PRRG4: variants seen among roughly 807,000 people sequenced by gnomAD.
PRRG4 encodes the protein transmembrane gamma-carboxyglutamic acid protein 4.
PRRG4 carries 12 observed loss-of-function variants against 20.0 expected under a neutral mutation model. That is an observed-to-expected ratio of 0.60 (90% CI 0.38 to 0.97). The LOEUF (loss-of-function observed/expected upper bound fraction) is 0.97, where lower values mean the gene tolerates loss of function less well. Ranked by LOEUF, PRRG4 falls within the 50% of genes least tolerant of loss-of-function variation. PRRG4 has a pLI of 0.00. For missense variants in PRRG4, 199 were observed against 265.1 expected (o/e 0.75, Z 1.73); for synonymous variants, 94 against 96.4 (o/e 0.98, Z 0.15).
intron 4 of PRRG4, among the ~76,000 whole-genome samples, chr11:32,839,738 TA>T (rs1303443861): frequency 8.3e-6 from 1 of 120,842 alleles, no homozygotes; most frequent in African/African-American, 2.9e-5. Context: ...TGAATATTAT[TA>T]AAATATAGAT....
rs1055404013 is a variant in PRRG4 at position 32,855,263 on chromosome 11, T to G, written c.*1736T>G. ...ATATAAGCTATAAATTTCTGGAGTA[T>G]ATGCACACAAATTTATCTGGGTGGG... On this transcript the variant is annotated 3_prime_UTR_variant, in exon 6 of 6. Coordinates refer to ENST00000257836, the MANE Select transcript of PRRG4 (RefSeq NM_024081.6). 1.3e-5 allele frequency: 2 copies of G among 152,202 alleles called. No homozygotes were observed. The highest frequency in any genetic ancestry group is 4.8e-5 in the African/African-American group (2 of 41,454). 9.4% of individuals were successfully genotyped at this position (152,202 alleles called of 1,614,324 possible). A position where few individuals can be genotyped will look rare whatever the true frequency, so the allele number is the denominator to read the frequency against.
intron 1 of PRRG4, 144 bp downstream of exon 1, chr11:32,830,317 A>G: frequency 1.2e-6 from 1 of 845,030 alleles, no homozygotes; most frequent in African/African-American, 1.8e-5. Context: ...GTCACTGGGC[A>G]CGGCGTTTGT....
At chr11:32,845,625 CAAA>C (rs749171678) in intron 5 of PRRG4, among the ~76,000 whole-genome samples, 3 of 113,620 alleles carry the variant, frequency 2.6e-5, no homozygotes, top group Non-Finnish European at 3.7e-5. Context: ...GACTCCGTTT[CAAA>C]AAAAAAAAAA....
intron 5 of PRRG4, among the ~76,000 whole-genome samples, chr11:32,841,684 G>A (rs1397242080): frequency 1.3e-5 from 2 of 151,960 alleles, no homozygotes; most frequent in African/African-American, 4.8e-5. Flanking sequence ...GTGGCCTGAG[G>A]CTGTAGTCTC....
At chr11:32,850,977 G>A (rs1247976003) in intron 5 of PRRG4, among the ~76,000 whole-genome samples, 1 of 152,204 alleles carries the variant, frequency 6.6e-6, no homozygotes, top group Admixed American at 6.5e-5. Context: ...GGAGGCTGAG[G>A]CAAGAGAATC....
chr11:32,848,410 G>GA (rs1654795229), intron 5 of PRRG4, among the ~76,000 whole-genome samples: 1 of 152,092 alleles, frequency 6.6e-6, no homozygotes, highest in Admixed American at 6.6e-5. Flanking sequence ...ATAGCAAGGG[G>GA]AATGGGGAGT....
intron 5 of PRRG4, among the ~76,000 whole-genome samples, chr11:32,847,148 A>AT (rs1293541825): frequency 8.6e-5 from 13 of 151,942 alleles, no homozygotes; most frequent in African/African-American, 2.7e-4. Flanking sequence ...TTATTTATTT[A>AT]TTTTTTTTGA....
intron 2 of PRRG4, among the ~76,000 whole-genome samples, chr11:32,832,550 G>A (rs1480633155): frequency 2.1e-5 from 3 of 142,062 alleles, no homozygotes; most frequent in African/African-American, 5.3e-5. Context: ...GCGTGATCAC[G>A]GCTCACTGCA....
At chr11:32,841,643 TA>T (rs145866061) in intron 5 of PRRG4, among the ~76,000 whole-genome samples, 49 of 151,188 alleles carry the variant, frequency 3.2e-4, no homozygotes, top group African/African-American at 1.2e-3. Flanking sequence ...CCTATCTCTA[TA>T]AAAAAAAATT....
At chr11:32,830,409 A>G (rs1306621158) in intron 1 of PRRG4, 99 bp from the exon 2 acceptor site, 1 of 1,032,740 alleles carries the variant, frequency 9.7e-7, no homozygotes, top group East Asian at 3.2e-5. Context: ...TCTTGCGCCT[A>G]GGCTTTGAGT....
chr11:32,839,041 A>C, intron 4 of PRRG4, 111 bp downstream of exon 4: 1 of 717,662 alleles, frequency 1.4e-6, no homozygotes, highest in Non-Finnish European at 2.4e-6. Context: ...TACCTTATAA[A>C]TCCAAGGAGA....
At chr11:32,838,782 C>T in intron 3 of PRRG4, 100 bp from the exon 4 acceptor site, 2 of 795,480 alleles carry the variant, frequency 2.5e-6, no homozygotes, top group South Asian at 3.0e-5. Context: ...ACCTATGGTG[C>T]ATGCCAAGAG....
At chr11:32,852,488 TCTGGAATTGCGCCACCTTTCAACAAAGC>T (rs1242742697) in intron 5 of PRRG4, among the ~76,000 whole-genome samples, 1 of 152,206 alleles carries the variant, frequency 6.6e-6, no homozygotes, top group Non-Finnish European at 1.5e-5. Context: ...ATTTCCTTGG[TCTGGAATTGCGCCACCTTTCAACAAAGC>T]CTGAATTTGG....
At position 32,854,979 on chromosome 11, in the gene PRRG4, G is replaced by A. The variant is rs975138679; in HGVS notation, c.*1452G>A. ...CTGATTAGTAAATACTCCCATCTTC[G>A]TTGCAAAATTATCTCTCTGTATAAC... On this transcript the variant is annotated 3_prime_UTR_variant, in exon 6 of 6. Transcript: ENST00000257836. 4 of 152,102 alleles carry A rather than the reference G, an allele frequency of 2.6e-5. No individual in the cohort carries two copies. The highest frequency in any genetic ancestry group is 6.6e-5 in the Admixed American group (1 of 15,264). 9.4% of individuals were successfully genotyped at this position (152,102 alleles called of 1,614,324 possible).
intron 5 of PRRG4, among the ~76,000 whole-genome samples, chr11:32,852,939 ATTTTTT>A (rs34615143): frequency 3.0e-5 from 3 of 99,122 alleles, no homozygotes; most frequent in African/African-American, 1.2e-4. Context: ...TGCCCGGCTA[ATTTTTT>A]TTTTTTTTTT....
intron 5 of PRRG4, among the ~76,000 whole-genome samples, chr11:32,850,640 A>G (rs183756554): frequency 2.6e-5 from 4 of 152,340 alleles, no homozygotes; most frequent in Admixed American, 6.5e-5. Flanking sequence ...CTATTGTCCC[A>G]AGAAATTCTT....
chr11:32,842,725 CATTA>C (rs1177891051), intron 5 of PRRG4, among the ~76,000 whole-genome samples: 2 of 151,814 alleles, frequency 1.3e-5, no homozygotes, highest in African/African-American at 2.4e-5. Context: ...TGTCTCAAAA[CATTA>C]ATTAATTAAT....
At chr11:32,844,440 G>A (rs1242806268) in intron 5 of PRRG4, among the ~76,000 whole-genome samples, 1 of 151,434 alleles carries the variant, frequency 6.6e-6, no homozygotes, top group Non-Finnish European at 1.5e-5. Context: ...TTGGTAGCAA[G>A]AGTAGCAAGT....
Position 32,840,045 on chromosome 11 carries a change from T to C in PRRG4, c.317-62T>C. On this transcript the variant is annotated intron_variant, in intron 4 of 5. Transcript: ENST00000257836. The surrounding 1 kb of genome is among the most constrained non-coding windows in gnomAD (Gnocchi z 4.1). ...TGTTTAGAACCAGGATTAAATTTGT[T>C]GAAATCATAGGTGATGCTATATAGT... 1 of 1,262,148 alleles carries C rather than the reference T, an allele frequency of 7.9e-7. No individual in the cohort carries two copies. Among genetic ancestry groups the C allele is most frequent in the Non-Finnish European group, 1.1e-6 (1 of 875,212 alleles). The allele number at this position is 1,262,148 out of a possible 1,614,324, so 78.2% of individuals were successfully genotyped here.
Sources: gnomAD v4.1 joint callset for allele counts (sites outside exome capture counted in the v4.1 genomes callset) on GRCh38, gnomAD v4.1.1 for gene constraint, Gnocchi (gnomAD v3.1) non-coding constraint, MANE v1.5 for transcripts, NCBI Gene and HGNC (gene_info 2026-07-23, HGNC 2026-07-21) for gene names.